GALNT7: variants seen among roughly 807,000 people sequenced by gnomAD.
GALNT7 encodes the protein N-acetylgalactosaminyltransferase 7.
Under a neutral mutation model 82.1 loss-of-function variants are expected in GALNT7, and 60 were observed. The ratio of observed to expected loss-of-function variants is 0.73; its 90% CI spans 0.59 to 0.91. GALNT7 has a LOEUF of 0.91. GALNT7 is among the 40% of genes least tolerant of loss of function. GALNT7 has a pLI of 0.00. For missense variants in GALNT7, 660 were observed against 804.2 expected (o/e 0.82, Z 2.17); for synonymous variants, 243 against 275.1 (o/e 0.88, Z 1.15).
intron 1 of GALNT7, among the ~76,000 whole-genome samples, chr4:173,222,884 A>G (rs1733688641): frequency 6.6e-6 from 1 of 152,218 alleles, no homozygotes. Context: ...AAATAAAATG[A>G]CTATTAAGGT....
chr4:173,287,956 C>T (rs1736385158), intron 2 of GALNT7, among the ~76,000 whole-genome samples: 1 of 152,054 alleles, frequency 6.6e-6, no homozygotes, highest in South Asian at 2.1e-4. Context: ...GTTTAAATGC[C>T]AATGTAGTTG....
rs369769737 is a variant in GALNT7 at position 173,194,886 on chromosome 4, C to G, written c.126+25925C>G. ...AGCCATAGTAGCATTCAGACTGAAT[C>G]CTGAAAATGTCCTCTCCACTTTTTG... On this transcript the variant is annotated intron_variant, in intron 1 of 11. Coordinates refer to ENST00000265000, the MANE Select transcript of GALNT7 (RefSeq NM_017423.3). Among the ~76,000 whole-genome samples, 141 of 152,122 alleles carry G rather than the reference C, an allele frequency of 9.3e-4. 6 individuals carry two copies. In the South Asian group the frequency reaches 0.028, roughly 30 times the overall value.
At chr4:173,245,548 G>C (rs550780703) in intron 1 of GALNT7, among the ~76,000 whole-genome samples, 94 of 152,172 alleles carry the variant, frequency 6.2e-4, no homozygotes, top group African/African-American at 2.2e-3. Flanking sequence ...CAATTCACTT[G>C]AGCCTGTGAA....
chr4:173,253,742 T>C (rs1734928694), intron 2 of GALNT7, among the ~76,000 whole-genome samples: 1 of 152,186 alleles, frequency 6.6e-6, no homozygotes. Context: ...CAGTCCACTC[T>C]GCCCAAAGCT....
chr4:173,215,206 C>T (rs1415734001), intron 1 of GALNT7, among the ~76,000 whole-genome samples: 1 of 151,836 alleles, frequency 6.6e-6, no homozygotes, highest in East Asian at 1.9e-4. Context: ...CCACTGGCCC[C>T]ACCACCAACC....
intron 2 of GALNT7, among the ~76,000 whole-genome samples, chr4:173,258,953 G>A (rs922755061): frequency 6.6e-6 from 1 of 152,146 alleles, no homozygotes; most frequent in Non-Finnish European, 1.5e-5. Flanking sequence ...TGACATTTGG[G>A]CCAGATAATT....
chr4:173,181,924 G>A (rs909610604), intron 1 of GALNT7, among the ~76,000 whole-genome samples: 5 of 152,186 alleles, frequency 3.3e-5, no homozygotes, highest in African/African-American at 1.2e-4. Context: ...TGTTTGATCA[G>A]CCTATACACT....
chr4:173,314,612 T>C (rs1182131628), intron 9 of GALNT7, among the ~76,000 whole-genome samples: 1 of 152,196 alleles, frequency 6.6e-6, no homozygotes, highest in African/African-American at 2.4e-5. Flanking sequence ...TCCCAACCAG[T>C]CTGAGTGCTT....
chr4:173,245,509 TAA>T (rs1324924949), intron 1 of GALNT7, among the ~76,000 whole-genome samples: 3 of 152,164 alleles, frequency 2.0e-5, no homozygotes, highest in Non-Finnish European at 4.4e-5. Context: ...CTTCTATATT[TAA>T]TAACATTTCC....
intron 2 of GALNT7, among the ~76,000 whole-genome samples, chr4:173,262,993 T>G (rs1208069368): frequency 6.6e-6 from 1 of 152,222 alleles, no homozygotes; most frequent in Non-Finnish European, 1.5e-5. Context: ...GAAGAATAAC[T>G]TAAATATGGG....
At position 173,302,808 on chromosome 4, in the gene GALNT7, A is replaced by C. The variant is rs192840891; in HGVS notation, c.1266+644A>C. Among the ~76,000 whole-genome samples, 121 of 152,378 alleles carry C rather than the reference A, an allele frequency of 7.9e-4. No homozygotes were observed. The highest frequency in any genetic ancestry group is 1.7e-3 in the South Asian group (8 of 4,832). ...GTAGCACTGTGAGGGATAGAAGAGGAGTAAACCAGTTGTTGCTCTCAAGGA... is the reference window on the plus strand; with the variant it reads ...GTAGCACTGTGAGGGATAGAAGAGGCGTAAACCAGTTGTTGCTCTCAAGGA... On this transcript the variant is annotated intron_variant, in intron 7 of 11. Coordinates refer to ENST00000265000, the MANE Select transcript of GALNT7 (RefSeq NM_017423.3). The surrounding 1 kb of genome is among the most constrained non-coding windows in gnomAD (Gnocchi z 4.2).
chr4:173,316,459 G>A (rs1276729665), intron 9 of GALNT7: 1 of 151,990 alleles, frequency 6.6e-6, no homozygotes, highest in Non-Finnish European at 1.5e-5. Context: ...CAGACAAATT[G>A]TCTACTATGT....
In GALNT7 at chr4:173,323,372, A is replaced by G. The variant is rs558185658; in HGVS notation, c.*1655A>G. The G allele has an allele frequency of 5.8e-4, 89 of 152,676 alleles. No homozygotes were observed. The highest frequency in any genetic ancestry group is 1.0e-3 in the Non-Finnish European group (68 of 67,970). The allele number at this position is 152,676 out of a possible 1,614,324, so 9.5% of individuals were successfully genotyped here. A position where few individuals can be genotyped will look rare whatever the true frequency, so the allele number is the denominator to read the frequency against. On this transcript the variant is annotated 3_prime_UTR_variant, in exon 12 of 12. Coordinates refer to ENST00000265000, the MANE Select transcript of GALNT7 (RefSeq NM_017423.3). ...TTTTATTTATAATTTTGAATTGTCA[A>G]TTTGTATTTTGCTACTGATCTGTGA...
Position 173,292,395 on chromosome 4 carries a change from A to T in GALNT7, c.754+121A>T. ...ATAGCATCTATTGATAGCATCTGTTATCAACAAGTTGACACTGTGCCAAGC... is the reference window on the plus strand; with the variant it reads ...ATAGCATCTATTGATAGCATCTGTTTTCAACAAGTTGACACTGTGCCAAGC... On this transcript the variant is annotated intron_variant, in intron 3 of 11. Transcript: ENST00000265000. This position sits in a 1 kb window ranked among gnomAD's most constrained non-coding sequence, Gnocchi z 4.8. 1 of 618,380 alleles carries T rather than the reference A, an allele frequency of 1.6e-6. No individual in the cohort carries two copies. Among genetic ancestry groups the T allele is most frequent in the Non-Finnish European group, 2.8e-6 (1 of 356,810 alleles). The allele number at this position is 618,380 out of a possible 1,614,324, so 38.3% of individuals were successfully genotyped here.
Position 173,320,204 on chromosome 4 carries a change from C to A in GALNT7, c.1837-1376C>A, listed in dbSNP as rs979594732. 4.6e-5 allele frequency among the ~76,000 whole-genome samples: 7 copies of A among 152,004 alleles called. No individual in the cohort carries two copies. Among genetic ancestry groups the A allele is most frequent in the Non-Finnish European group, 1.0e-4 (7 of 67,972 alleles). On this transcript the variant is annotated intron_variant, in intron 11 of 11. Coordinates refer to ENST00000265000, the MANE Select transcript of GALNT7 (RefSeq NM_017423.3). This position sits in a 1 kb window ranked among gnomAD's most constrained non-coding sequence, Gnocchi z 4.1. ...ATCAGCTTGAGCAGCAGTTCTCAAA[C>A]TTTCTGTCCTCTGGATTCCCTTTAC...
intron 5 of GALNT7, chr4:173,297,913 TG>T: frequency 6.7e-7 from 1 of 1,500,976 alleles, no homozygotes; most frequent in Non-Finnish European, 8.8e-7. Context: ...GAGTTTACTA[TG>T]GAAACGTATT....
chr4:173,257,503 G>A (rs552405637), intron 2 of GALNT7, among the ~76,000 whole-genome samples: 1 of 152,124 alleles, frequency 6.6e-6, no homozygotes, highest in South Asian at 2.1e-4. Flanking sequence ...AAGGAAAAAG[G>A]GCTTAGCACC....
intron 1 of GALNT7, among the ~76,000 whole-genome samples, chr4:173,210,729 G>C (rs1267404569): frequency 2.0e-5 from 3 of 152,034 alleles, no homozygotes; most frequent in South Asian, 2.1e-4. Flanking sequence ...ACCATGCCTG[G>C]CCTACTTTTT....
chr4:173,287,579 G>C (rs1229247558), intron 2 of GALNT7, among the ~76,000 whole-genome samples: 1 of 152,176 alleles, frequency 6.6e-6, no homozygotes, highest in East Asian at 1.9e-4. Context: ...AGGCTGGAGG[G>C]GCATCCCCCT....
Sources: allele counts gnomAD v4.1 joint callset (sites outside exome capture counted in the v4.1 genomes callset), GRCh38; gene constraint gnomAD v4.1.1; non-coding constraint Gnocchi (gnomAD v3.1); transcripts MANE v1.5; gene names NCBI Gene and HGNC (gene_info 2026-07-23, HGNC 2026-07-21).